The following PIWIL1 variants were observed in gnomAD, a reference collection of about 807,000 sequenced individuals.
The protein encoded by PIWIL1 is piwi like RNA-mediated gene silencing 1, also known as piwi-like protein 1.
In PIWIL1, 73 loss-of-function variants were observed where a neutral mutation model predicts 114.4. That is an observed-to-expected ratio of 0.64 (90% confidence interval 0.53 to 0.78). The LOEUF (loss-of-function observed/expected upper bound fraction) is 0.78. Among genes scored for constraint, PIWIL1 ranks in the 30% least tolerant of loss-of-function variants. The pLI is 0.00. For synonymous variants in PIWIL1, 375 were observed against 369.0 expected, an observed-to-expected ratio of 1.02 and a Z score of -0.19; for missense variants, 723 against 1,063.1, an observed-to-expected ratio of 0.68 and a Z score of 4.45.
chr12:130,407,415 C>G, the PIWIL1 span, among the ~76,000 whole-genome samples: 4 of 152,270 alleles, frequency 2.6e-5, no homozygotes, highest in Admixed American at 2.6e-4. Context: ...TTATTTCTCT[C>G]CTAAAGATGG....
the PIWIL1 span, among the ~76,000 whole-genome samples, chr12:130,423,174 A>G: frequency 6.6e-6 from 1 of 152,220 alleles, no homozygotes; most frequent in African/African-American, 2.4e-5. Flanking sequence ...AGGATTGACT[A>G]AAGACAATCA....
In PIWIL1 at chr12:130,349,339, GTT is replaced by G; in HGVS notation, c.838_839del (p.Leu280GlyfsTer14). On this transcript the variant is annotated frameshift_variant, in exon 8 of 21. Transcript: ENST00000245255. LOFTEE classifies it high-confidence loss of function. ...CCATAAAGTCCTTCGAAGTGAGACT[GTT>G]TTGGATTTCATGTTCAACTTTTATC... ...VSHKVLRSET[V>X]LDFMFNFYHQ... The G allele has an allele frequency of 6.2e-7, 1 of 1,613,720 alleles. No individual in the cohort carries two copies. Among genetic ancestry groups the G allele is most frequent in the Non-Finnish European group, 8.5e-7 (1 of 1,179,638 alleles).
At chr12:130,405,787 T>TTTTG in the PIWIL1 span, among the ~76,000 whole-genome samples, 6 of 89,018 alleles carry the variant, frequency 6.7e-5, no homozygotes, top group African/African-American at 2.4e-4. Flanking sequence ...GTTTTGTTTT[T>TTTTG]GCTTATTTGT....
At chr12:130,389,370 T>A in the PIWIL1 span, among the ~76,000 whole-genome samples, 1 of 152,108 alleles carries the variant, frequency 6.6e-6, no homozygotes, top group Non-Finnish European at 1.5e-5. Context: ...ATTGGGGTGA[T>A]CTGAGTATTT....
the PIWIL1 span, among the ~76,000 whole-genome samples, chr12:130,408,853 T>G: frequency 2.6e-5 from 4 of 152,204 alleles, no homozygotes; most frequent in African/African-American, 9.6e-5. Context: ...ATGTGGCTTT[T>G]CAGTGGTTTT....
At chr12:130,392,383 C>T in the PIWIL1 span, among the ~76,000 whole-genome samples, 620 of 114,366 alleles carry the variant, frequency 5.4e-3, 2 homozygotes, top group African/African-American at 0.018. Flanking sequence ...CACATGTGTC[C>T]GTCAGTTACC....
At chr12:130,394,796 G>A in the PIWIL1 span, among the ~76,000 whole-genome samples, 3 of 142,830 alleles carry the variant, frequency 2.1e-5, no homozygotes, top group Admixed American at 7.1e-5. Flanking sequence ...AAGTGTTAGC[G>A]AGAGGATAGA....
chr12:130,375,428 G>T (rs10773772), downstream of PIWIL1, among the ~76,000 whole-genome samples: 60,117 of 151,926 alleles, frequency 0.4, 12,055 homozygotes, highest in Admixed American at 0.45. Context: ...ACCTCCATCC[G>T]CATTCTCAAC....
chr12:130,392,794 CGT>C, the PIWIL1 span, among the ~76,000 whole-genome samples: 3 of 38,356 alleles, frequency 7.8e-5, 1 homozygote, highest in Admixed American at 4.8e-4. Context: ...ACCGTCATCA[CGT>C]GTGTCCGTCA....
intron 9 of PIWIL1, among the ~76,000 whole-genome samples, chr12:130,353,277 GTGGTTT>G (rs1421461667): frequency 2.3e-4 from 33 of 140,580 alleles, no homozygotes; most frequent in Non-Finnish European, 3.2e-4. Context: ...AGGTGTGTGT[GTGGTTT>G]TTTGTTCTTC....
the PIWIL1 span, among the ~76,000 whole-genome samples, chr12:130,421,793 A>G: frequency 6.6e-6 from 1 of 151,356 alleles, no homozygotes; most frequent in South Asian, 2.1e-4. Context: ...TACTTTTTGG[A>G]ATTCTCCTTG....
chr12:130,362,161 A>G (rs888781944), intron 16 of PIWIL1, among the ~76,000 whole-genome samples: 24 of 152,076 alleles, frequency 1.6e-4, no homozygotes, highest in African/African-American at 5.8e-4. Flanking sequence ...GGTTCAGATT[A>G]TTTCATCACT....
rs910013042 is a variant in PIWIL1 at position 130,371,653 on chromosome 12, T to A, written c.*55T>A. The A allele has an allele frequency of 6.1e-6, 7 of 1,145,050 alleles. No individual in the cohort carries two copies. The highest frequency in any genetic ancestry group is 7.7e-6 in the Non-Finnish European group (6 of 782,532). The allele number at this position is 1,145,050 out of a possible 1,614,324, so 70.9% of individuals were successfully genotyped here. A position where few individuals can be genotyped will look rare whatever the true frequency, so the allele number is the denominator to read the frequency against. ...TTTTGAAATGACTTTGGGATTTTTT[T>A]AAGCTTTTATTTACTTTTTTTTTAA... is the stretch of plus-strand genomic sequence containing the variant. On this transcript the variant is annotated 3_prime_UTR_variant, in exon 21 of 21. Transcript: ENST00000245255.
At chr12:130,392,309 G>A in the PIWIL1 span, among the ~76,000 whole-genome samples, 6 of 89,802 alleles carry the variant, frequency 6.7e-5, no homozygotes, top group South Asian at 7.3e-4. Flanking sequence ...CCCGGTCACC[G>A]TCATCATGTG....
At chr12:130,366,340 G>A (rs2073657301) in intron 18 of PIWIL1, 1 of 152,632 alleles carries the variant, frequency 6.6e-6, no homozygotes, top group Non-Finnish European at 1.5e-5. Flanking sequence ...AGCAGACCAG[G>A]CAGTGCAAGT....
chr12:130,418,129 A>C, the PIWIL1 span, among the ~76,000 whole-genome samples: 1 of 152,234 alleles, frequency 6.6e-6, no homozygotes. Flanking sequence ...TAAAACACGC[A>C]GTCTAACAAA....
chr12:130,395,455 G>C, the PIWIL1 span, among the ~76,000 whole-genome samples: 1 of 152,088 alleles, frequency 6.6e-6, no homozygotes, highest in Non-Finnish European at 1.5e-5. Flanking sequence ...TAAAATAGGG[G>C]GGAAGAAAAG....
At chr12:130,410,535 T>C in the PIWIL1 span, among the ~76,000 whole-genome samples, 1 of 152,234 alleles carries the variant, frequency 6.6e-6, no homozygotes, top group African/African-American at 2.4e-5. Context: ...TATTTAAGTT[T>C]TTAATATGGT....
At chr12:130,377,618 T>C (rs1245552532), downstream of PIWIL1, among the ~76,000 whole-genome samples, 1 of 152,198 alleles carries the variant, frequency 6.6e-6, no homozygotes, top group Non-Finnish European at 1.5e-5. Flanking sequence ...CATTGGGTGG[T>C]TTTCTTCATG....
Sources: gnomAD v4.1 joint callset for allele counts (sites outside exome capture counted in the v4.1 genomes callset) on GRCh38, gnomAD v4.1.1 for gene constraint, MANE v1.5 for transcripts, NCBI Gene and HGNC (gene_info 2026-07-23, HGNC 2026-07-21) for gene names.